The following TULP4 variants were observed in gnomAD, a reference collection of about 807,000 sequenced individuals.
TULP4 encodes the protein TUB like protein 4, also known as tubby-related protein 4.
In TULP4, 16 loss-of-function variants were observed where a neutral mutation model predicts 129.0. The ratio of observed to expected loss-of-function variants is 0.12; its 90% confidence interval spans 0.08 to 0.19. The LOEUF is 0.19. Among genes scored for constraint, TULP4 ranks in the 10% least tolerant of loss-of-function variants. The pLI is 1.00. For synonymous variants in TULP4, 998 were observed against 854.0 expected (o/e 1.17, Z -2.94); for missense variants, 1,842 against 2,059.1 (o/e 0.89, Z 2.04).
At chr6:158,489,205 A>G (rs1277775338) in intron 8 of TULP4, among the ~76,000 whole-genome samples, 2 of 152,194 alleles carry the variant, frequency 1.3e-5, no homozygotes, top group Non-Finnish European at 2.9e-5. Flanking sequence ...GCAGGTTCTC[A>G]GGGGAATCAG....
At chr6:158,232,841 CCGGGCGAGCCGGGTGACTG>C (rs1292274446) in intron 1 of TULP4, among the ~76,000 whole-genome samples, 10 of 152,346 alleles carry the variant, frequency 6.6e-5, no homozygotes, top group Admixed American at 1.3e-4. Flanking sequence ...CGCGAAGCCC[CCGGGCGAGCCGGGTGACTG>C]CAGAGCGGGC....
At chr6:158,387,026 A>C (rs756037874) in intron 1 of TULP4, among the ~76,000 whole-genome samples, 8 of 152,198 alleles carry the variant, frequency 5.3e-5, no homozygotes, top group Admixed American at 3.3e-4. Flanking sequence ...ACATAAAAAT[A>C]GATGATAAAA....
chr6:158,478,049 C>G (rs1471899977), intron 6 of TULP4, among the ~76,000 whole-genome samples: 1 of 152,046 alleles, frequency 6.6e-6, no homozygotes. Flanking sequence ...TAAGCCGGAC[C>G]TGAATAACAA....
chr6:158,373,093 G>A, intron 1 of TULP4, among the ~76,000 whole-genome samples: 1 of 152,206 alleles, frequency 6.6e-6, no homozygotes, highest in Non-Finnish European at 1.5e-5. Context: ...GAGTTGAACT[G>A]TAAATAAAGG....
At chr6:158,332,547 C>T (rs1243562383) in intron 1 of TULP4, among the ~76,000 whole-genome samples, 1 of 152,000 alleles carries the variant, frequency 6.6e-6, no homozygotes, top group African/African-American at 2.4e-5. Flanking sequence ...GAGGGACTTG[C>T]AGAAGGAGTG....
At chr6:158,263,103 GAA>G (rs1284464119) in intron 1 of TULP4, among the ~76,000 whole-genome samples, 1 of 152,230 alleles carries the variant, frequency 6.6e-6, no homozygotes, top group African/African-American at 2.4e-5. Context: ...TGGTACTTCA[GAA>G]ACCTGCTGCC....
intron 1 of TULP4, among the ~76,000 whole-genome samples, chr6:158,337,128 CTTT>C (rs34480077): frequency 1.6e-4 from 12 of 73,850 alleles, no homozygotes; most frequent in Non-Finnish European, 1.8e-4. Context: ...CTTTCTTTCT[CTTT>C]TTTTTTTTTT....
chr6:158,478,951 C>T (rs1554295344), intron 6 of TULP4, among the ~76,000 whole-genome samples: 1 of 152,124 alleles, frequency 6.6e-6, no homozygotes, highest in Admixed American at 6.5e-5. Context: ...TTCCCTGCAC[C>T]GTCAGTGCCA....
At chr6:158,276,463 CT>C (rs1384269915) in intron 1 of TULP4, among the ~76,000 whole-genome samples, 1 of 150,380 alleles carries the variant, frequency 6.6e-6, no homozygotes, top group Admixed American at 6.6e-5. Flanking sequence ...CAACCACCCC[CT>C]GGCTAATTTT....
intron 1 of TULP4, among the ~76,000 whole-genome samples, chr6:158,276,112 G>A (rs1191031954): frequency 6.6e-6 from 1 of 152,072 alleles, no homozygotes; most frequent in Non-Finnish European, 1.5e-5. Context: ...TGGGATTACA[G>A]GTGCGCGCCA....
At chr6:158,480,733 C>T (rs1388723656) in intron 7 of TULP4, among the ~76,000 whole-genome samples, 2 of 152,016 alleles carry the variant, frequency 1.3e-5, no homozygotes, top group Admixed American at 6.6e-5. Context: ...TGATTCTACA[C>T]GAGCAGATCT....
chr6:158,353,411 A>G (rs1428759496), intron 1 of TULP4, among the ~76,000 whole-genome samples: 1 of 152,140 alleles, frequency 6.6e-6, no homozygotes, highest in East Asian at 1.9e-4. Context: ...TGCAAATGTG[A>G]TTGCTTTGCA....
At position 158,348,195 on chromosome 6, in the gene TULP4, T is replaced by C. The variant is rs538584122; in HGVS notation, c.252+33927T>C. 1.2e-4 allele frequency among the ~76,000 whole-genome samples: 17 copies of C among 146,570 alleles called. No individual in the cohort carries two copies. The South Asian group carries it at 2.1e-3, about 18-fold the overall frequency. ...AAGGTTTTTTTTTTTTTTTAGTATT[T>C]ATTGATCATTCTTGGGTGTTTCTCG... On this transcript the variant is annotated intron_variant, in intron 1 of 13. Coordinates refer to ENST00000367097, the MANE Select transcript of TULP4 (RefSeq NM_020245.5).
At chr6:158,363,641 G>A (rs768308586) in intron 1 of TULP4, among the ~76,000 whole-genome samples, 31 of 152,168 alleles carry the variant, frequency 2.0e-4, no homozygotes, top group Non-Finnish European at 3.5e-4. Context: ...GCATCACTAC[G>A]CCGGGCTATT....
chr6:158,302,524 C>T (rs1354331282), intron 1 of TULP4, among the ~76,000 whole-genome samples: 1 of 152,164 alleles, frequency 6.6e-6, no homozygotes, highest in African/African-American at 2.4e-5. Flanking sequence ...GAAGGTTCCA[C>T]ATTTCCAAGT....
intron 1 of TULP4, among the ~76,000 whole-genome samples, chr6:158,242,949 C>A (rs541395625): frequency 6.6e-6 from 1 of 152,120 alleles, no homozygotes; most frequent in Non-Finnish European, 1.5e-5. Context: ...CAACACCCGG[C>A]TAATTTTTTT....
chr6:158,275,509 A>G (rs1778629500), intron 1 of TULP4, among the ~76,000 whole-genome samples: 1 of 152,222 alleles, frequency 6.6e-6, no homozygotes, highest in African/African-American at 2.4e-5. Flanking sequence ...CAACAAGTCT[A>G]GCCGTCTGGA....
At chr6:158,452,311 G>C in intron 5 of TULP4, 43 bp downstream of exon 5, 1 of 1,605,468 alleles carries the variant, frequency 6.2e-7, no homozygotes, top group Non-Finnish European at 8.5e-7. Context: ...GACCGGGCCT[G>C]TGTGTGCTTG....
rs150253948 is a variant in TULP4, at chr6:158,429,756, C to T, written c.402C>T (p.Ser134=). Reference sequence around the variant, plus strand: ...CCAAGGTGAGTGATTTCACGTGGAGCCATGATGGAACTCAAGCACTTATTT... The same window carrying T: ...CCAAGGTGAGTGATTTCACGTGGAGTCATGATGGAACTCAAGCACTTATTT... ...RGAQVSDFTW[S]HDGTQALISY... is the part of the protein sequence containing the mutation. Residue 134 remains serine (S), a synonymous_variant, in exon 3 of 14, where the codon AGC becomes AGT. Transcript: ENST00000367097. The T allele has an allele frequency of 1.4e-4, 221 of 1,612,294 alleles. No homozygotes were observed. The highest frequency in any genetic ancestry group is 2.7e-4 in the Admixed American group (16 of 59,820).
Sources: allele counts gnomAD v4.1 joint callset (sites outside exome capture counted in the v4.1 genomes callset), GRCh38; gene constraint gnomAD v4.1.1; transcripts MANE v1.5; gene names NCBI Gene and HGNC (gene_info 2026-07-23, HGNC 2026-07-21).